The following ZNF701 variants were observed in gnomAD, a reference collection of about 807,000 sequenced individuals.
ZNF701 encodes zinc finger protein 701.
ZNF701 carries 6 observed loss-of-function variants against 7.1 expected under a neutral mutation model. The observed-to-expected ratio is 0.84, with a 90% CI of 0.46 to 1.66. The LOEUF (loss-of-function observed/expected upper bound fraction) is 1.66. Among genes scored for constraint, ZNF701 ranks in the 40% most tolerant of loss-of-function variants. The pLI is 0.01. For synonymous variants in ZNF701, 166 were observed against 188.2 expected, an observed-to-expected ratio of 0.88 and a Z score of 0.97; for missense variants, 541 against 559.2, an observed-to-expected ratio of 0.97 and a Z score of 0.33.
At chr19:52,590,170 A>G (rs980872722), downstream of ZNF701, among the ~76,000 whole-genome samples, 4 of 149,290 alleles carry the variant, frequency 2.7e-5, no homozygotes, top group Non-Finnish European at 4.4e-5. Flanking sequence ...GGGCGATCTC[A>G]GCTCACTGCA....
chr19:52,590,582 A>G (rs1323288754), downstream of ZNF701, among the ~76,000 whole-genome samples: 2 of 151,994 alleles, frequency 1.3e-5, no homozygotes, highest in Non-Finnish European at 2.9e-5. Context: ...TCTTAACTCA[A>G]TGAGTTTCCA....
At chr19:52,578,614 C>T (rs1467761000) in intron 3 of ZNF701, among the ~76,000 whole-genome samples, 2 of 152,202 alleles carry the variant, frequency 1.3e-5, no homozygotes, top group Non-Finnish European at 2.9e-5. Flanking sequence ...CTGGACCCTA[C>T]ACCAAAGCGC....
chr19:52,597,148 G>A, the ZNF701 span: 174 of 680,820 alleles, frequency 2.6e-4, 3 homozygotes, highest in South Asian at 5.8e-4. Context: ...GTTTATCAGC[G>A]AACTCATACT....
In ZNF701 at chr19:52,583,283, A is replaced by G; in HGVS notation, c.1224A>G (p.Lys408=). ...VMHKVIHTGE[K]RYKCNECGKV... Reference sequence around the variant, plus strand: ...ATAAGGTCATTCATACTGGAGAGAAACGTTACAAGTGTAATGAATGTGGCA... The same window carrying G: ...ATAAGGTCATTCATACTGGAGAGAAGCGTTACAAGTGTAATGAATGTGGCA... Residue 408 remains lysine, a synonymous_variant, in exon 4 of 4, where the codon AAA becomes AAG. Coordinates refer to ENST00000391785, the MANE Select transcript of ZNF701 (RefSeq NM_018260.3). The G allele has an allele frequency of 2.5e-6, 4 of 1,613,916 alleles. No individual in the cohort carries two copies. Among genetic ancestry groups the G allele is most frequent in the Non-Finnish European group, 3.4e-6 (4 of 1,179,864 alleles).
chr19:52,583,418 T>C lies in ZNF701; in HGVS notation c.1359T>C (p.Leu453=). The C allele has an allele frequency of 6.2e-7, 1 of 1,613,672 alleles. No individual in the cohort carries two copies. The highest frequency in any genetic ancestry group is 8.5e-7 in the Non-Finnish European group (1 of 1,179,770). The change falls in exon 4 of 4, where the codon CTT becomes CTC. Residue 453 remains leucine, a synonymous_variant. Coordinates refer to ENST00000391785, the MANE Select transcript of ZNF701 (RefSeq NM_018260.3). The part of the protein sequence containing the change: ...CGKVFNRKSN[L]ERHHRLHTGK... ...AGGTTTTTAATCGAAAATCAAACCTTGAACGTCATCATAGACTTCATACTG... is the reference window on the plus strand; with the variant it reads ...AGGTTTTTAATCGAAAATCAAACCTCGAACGTCATCATAGACTTCATACTG...
intron 1 of ZNF701, chr19:52,572,494 A>C (rs535939019): frequency 1.5e-5 from 14 of 937,646 alleles, no homozygotes; most frequent in Non-Finnish European, 1.9e-5. Flanking sequence ...TATCCCAGGT[A>C]TGTGAAAGAG....
chr19:52,596,295 A>C, the ZNF701 span: 1 of 421,432 alleles, frequency 2.4e-6, no homozygotes. Flanking sequence ...AAGTGTAATG[A>C]GTGTTCCAAG....
In ZNF701 at chr19:52,575,985, G is replaced by A. The variant is rs745363506; in HGVS notation, c.106G>A (p.Val36Met). The change falls in exon 3 of 4, where the codon GTG (valine) becomes ATG (methionine). Residue 36 changes from valine to methionine, a missense_variant. Transcript: ENST00000391785. ...TGCTCAGAGGACTCTATACAGAGAC[G>A]TGATGCTGGAGAATTATAGGAACCT... ...DPAQRTLYRD[V>M]MLENYRNLVS... 4.0e-5 allele frequency: 63 copies of A among 1,586,712 alleles called. No homozygotes were observed. Among genetic ancestry groups the A allele is most frequent in the Non-Finnish European group, 4.9e-5 (58 of 1,172,628 alleles).
chr19:52,596,433 A>C, the ZNF701 span: 1 of 424,064 alleles, frequency 2.4e-6, no homozygotes, highest in Non-Finnish European at 4.7e-6. Context: ...AGGAGAATTC[A>C]TACTGGAGAA....
At chr19:52,593,193 A>C in the ZNF701 span, among the ~76,000 whole-genome samples, 1 of 118,406 alleles carries the variant, frequency 8.4e-6, no homozygotes, top group Non-Finnish European at 1.8e-5. Context: ...CTACACAGAC[A>C]CCACAACCAT....
chr19:52,595,897 A>G, the ZNF701 span: 2 of 1,613,218 alleles, frequency 1.2e-6, no homozygotes, highest in Non-Finnish European at 8.5e-7. Flanking sequence ...ATCAGCTTGG[A>G]TCAAGCTTTC....
chr19:52,581,640 G>C (rs1030429515), intron 3 of ZNF701, among the ~76,000 whole-genome samples: 5 of 152,064 alleles, frequency 3.3e-5, no homozygotes, highest in Non-Finnish European at 7.4e-5. Context: ...AGCCGCTTGA[G>C]TAGCTGGGAC....
chr19:52,581,379 C>T (rs1270949678), intron 3 of ZNF701, among the ~76,000 whole-genome samples: 1 of 152,192 alleles, frequency 6.6e-6, no homozygotes, highest in African/African-American at 2.4e-5. Context: ...ACCACCACAC[C>T]TGGCTACTTT....
chr19:52,581,415 T>C (rs1408792668), intron 3 of ZNF701, among the ~76,000 whole-genome samples: 1 of 152,064 alleles, frequency 6.6e-6, no homozygotes, highest in Non-Finnish European at 1.5e-5. Context: ...AGAAGAGGTT[T>C]TGCCATGTTG....
intron 1 of ZNF701, among the ~76,000 whole-genome samples, chr19:52,571,990 A>G (rs1449653589): frequency 6.6e-6 from 1 of 151,050 alleles, no homozygotes; most frequent in African/African-American, 2.4e-5. Context: ...CACCAGGCTA[A>G]TTTTGTATTT....
At position 52,575,940 on chromosome 19, in the gene ZNF701, G is replaced by T. The variant is rs200388968; in HGVS notation, c.61G>T (p.Glu21Ter). 2 of 1,564,204 alleles carry T rather than the reference G, an allele frequency of 1.3e-6. No individual in the cohort carries two copies. The highest frequency in any genetic ancestry group is 1.7e-6 in the Non-Finnish European group (2 of 1,157,862). ...RDVAIEFSQE[E>*]WKCLDPAQRT... is the part of the protein sequence containing the mutation. ...TGTGGCCATAGAATTCTCTCAGGAG[G>T]AGTGGAAATGCCTGGACCCTGCTCA... The change falls in exon 3 of 4, where the codon GAG becomes TAG. Residue 21 changes from glutamate (E) to a stop codon, truncating the protein, a stop_gained. Coordinates refer to ENST00000391785, the MANE Select transcript of ZNF701 (RefSeq NM_018260.3). LOFTEE classifies it high-confidence loss of function.
At chr19:52,597,986 C>T in the ZNF701 span, 1 of 152,956 alleles carries the variant, frequency 6.5e-6, no homozygotes, top group Non-Finnish European at 1.5e-5. Context: ...GCTCTGTCGC[C>T]CAGGCTGGAG....
At position 52,583,494 on chromosome 19, in the gene ZNF701, A is replaced by G; in HGVS notation, c.*37A>G. ...TGCAAGGTTTTTAGGCAACAGTCAA[A>G]CCTTGCATGTCATCATAGACTTTAT... On this transcript the variant is annotated 3_prime_UTR_variant, in exon 4 of 4. Transcript: ENST00000391785. 1.9e-6 allele frequency: 3 copies of G among 1,608,150 alleles called. No homozygotes were observed. The South Asian group carries it at 3.3e-5, about 18-fold the overall frequency.
Position 52,582,522 on chromosome 19 carries a change from C to T in ZNF701, c.463C>T (p.His155Tyr). ...HSHLPEVHIF[H>Y]PEGKIGNQVE... is the part of the protein sequence containing the mutation. ...GCATCTGCCTGAAGTGCACATATTT[C>T]ACCCCGAAGGGAAAATTGGTAATCA... Residue 155 changes from histidine (H) to tyrosine (Y), a missense_variant, in exon 4 of 4, where the codon CAC becomes TAC. Coordinates refer to ENST00000391785, the MANE Select transcript of ZNF701 (RefSeq NM_018260.3). 1 of 1,614,200 alleles carries T rather than the reference C, an allele frequency of 6.2e-7. No homozygotes were observed. The highest frequency in any genetic ancestry group is 8.5e-7 in the Non-Finnish European group (1 of 1,180,038).
Sources: allele counts gnomAD v4.1 joint callset (sites outside exome capture counted in the v4.1 genomes callset), GRCh38; gene constraint gnomAD v4.1.1; transcripts MANE v1.5; gene names NCBI Gene and HGNC (gene_info 2026-07-23, HGNC 2026-07-21).